Variants in STRAP observed in about 807,000 individuals in gnomAD.
The protein encoded by STRAP is serine/threonine kinase receptor associated protein, also known as serine-threonine kinase receptor-associated protein.
Under a neutral mutation model 47.0 loss-of-function variants are expected in STRAP, and 16 were observed. The observed-to-expected ratio is 0.34, with a 90% CI of 0.23 to 0.52. The LOEUF (loss-of-function observed/expected upper bound fraction) is 0.52. Among genes scored for constraint, STRAP ranks in the 20% least tolerant of loss-of-function variants. The probability of loss-of-function intolerance (pLI) is 0.96; values close to 1 mark genes in which losing one functional copy is unlikely to be tolerated. For missense variants in STRAP, 293 were observed against 420.0 expected, an observed-to-expected ratio of 0.70 and a Z score of 2.64; for synonymous variants, 130 against 142.7, an observed-to-expected ratio of 0.91 and a Z score of 0.63.
At chr12:15,883,394 C>T in intron 1 of STRAP, 147 bp from the exon 2 acceptor site, 1 of 892,614 alleles carries the variant, frequency 1.1e-6, no homozygotes, top group Non-Finnish European at 1.7e-6. Context: ...CTGCACATTC[C>T]TTAGTGCCTT....
rs915541526 is a variant in STRAP at position 15,896,090 on chromosome 12, T to G, written c.638+594T>G. 6.6e-6 allele frequency among the ~76,000 whole-genome samples: 1 copy of G among 151,584 alleles called. No individual in the cohort carries two copies. The highest frequency in any genetic ancestry group is 1.5e-5 in the Non-Finnish European group (1 of 67,874). On this transcript the variant is annotated intron_variant, in intron 6 of 9. Coordinates refer to ENST00000419869, the MANE Select transcript of STRAP (RefSeq NM_007178.4). This position sits in a 1 kb window ranked among gnomAD's most constrained non-coding sequence, Gnocchi z 4.1. ...AAATACAAAGAGAAGAAAAATTAGC[T>G]GGGTGTGGTGGTGAGTACCTGTAAT...
chr12:15,895,128 A>C (rs1948049295), intron 5 of STRAP, among the ~76,000 whole-genome samples: 1 of 152,222 alleles, frequency 6.6e-6, no homozygotes, highest in South Asian at 2.1e-4. Flanking sequence ...CAAATTGGGA[A>C]GTGTATGTAG....
chr12:15,899,435 A>G, intron 7 of STRAP, among the ~76,000 whole-genome samples: 1 of 151,844 alleles, frequency 6.6e-6, no homozygotes. Flanking sequence ...GTGTGACAGA[A>G]TAATTAGTGG....
At chr12:15,885,716 A>T (rs762512130) in intron 2 of STRAP, among the ~76,000 whole-genome samples, 1 of 152,172 alleles carries the variant, frequency 6.6e-6, no homozygotes, top group Admixed American at 6.5e-5. Flanking sequence ...TGGTGTATTA[A>T]GAGCATGAAG....
In STRAP at chr12:15,887,422, T is replaced by G. The variant is rs1947981000; in HGVS notation, c.249-2506T>G. Among the ~76,000 whole-genome samples the G allele has an allele frequency of 6.6e-6, 1 of 152,222 alleles. No homozygotes were observed. The highest frequency in any genetic ancestry group is 2.4e-5 in the African/African-American group (1 of 41,466). On this transcript the variant is annotated intron_variant, in intron 2 of 9. Coordinates refer to ENST00000419869, the MANE Select transcript of STRAP (RefSeq NM_007178.4). The surrounding 1 kb of genome is among the most constrained non-coding windows in gnomAD (Gnocchi z 5.5). ...AAGGGTATTGTTAATAGCGCTTTAC[T>G]GTCTTGATTTGAGCCCTGTGGCCAA... is the stretch of plus-strand genomic sequence containing the variant.
rs148366456 is a variant in STRAP, at chr12:15,899,905, A to G, written c.777A>G (p.Glu259=). The part of the protein sequence containing the change: ...KYDYNSGEEL[E]SYKGHFGPIH... ...TCTAATAGCCCTCTTCTTTTTCAGAATCCTACAAGGGACACTTTGGTCCTA... is the reference window on the plus strand; with the variant it reads ...TCTAATAGCCCTCTTCTTTTTCAGAGTCCTACAAGGGACACTTTGGTCCTA... Residue 259 remains glutamate, a splice_region_variant and synonymous_variant, in exon 8 of 10, where the codon GAA becomes GAG. Coordinates refer to ENST00000419869, the MANE Select transcript of STRAP (RefSeq NM_007178.4). 26 of 1,610,480 alleles carry G rather than the reference A, an allele frequency of 1.6e-5. No individual in the cohort carries two copies. The African/African-American group carries it at 2.5e-4, about 16-fold the overall frequency.
At chr12:15,888,972 A>G (rs1947993647) in intron 2 of STRAP, among the ~76,000 whole-genome samples, 1 of 152,100 alleles carries the variant, frequency 6.6e-6, no homozygotes, top group South Asian at 2.1e-4. Context: ...TTTATTGCCC[A>G]CTGTGTTCCT....
In STRAP at chr12:15,900,956, GTGGTGAGC is replaced by G. The variant is rs1948098375; in HGVS notation, c.939_946del (p.Glu314LysfsTer31). On this transcript the variant is annotated frameshift_variant, in exon 9 of 10. Coordinates refer to ENST00000419869, the MANE Select transcript of STRAP (RefSeq NM_007178.4). LOFTEE classifies it high-confidence loss of function. ...GCTTTTCTTTTTACAGAAGAAGATA[GTGGTGAGC>G]TGGCAAAGCCAAAGATTGGTTTTCC... 1 of 1,594,178 alleles carries G rather than the reference GTGGTGAGC, an allele frequency of 6.3e-7. No homozygotes were observed. The highest frequency in any genetic ancestry group is 8.5e-7 in the Non-Finnish European group (1 of 1,170,632).
chr12:15,898,071 A>C, intron 7 of STRAP, 53 bp downstream of exon 7: 1 of 1,467,482 alleles, frequency 6.8e-7, no homozygotes, highest in Non-Finnish European at 9.2e-7. Context: ...GTTAAGTCCC[A>C]GTAATTAACA....
In STRAP at chr12:15,894,741, T is replaced by C. The variant is rs1037016084; in HGVS notation, c.500+598T>C. On this transcript the variant is annotated intron_variant, in intron 5 of 9. Transcript: ENST00000419869. This position sits in a 1 kb window ranked among gnomAD's most constrained non-coding sequence, Gnocchi z 4.9. ...TTTCCTATTTTCAGGTTAGGAATTC[T>C]CAGTTGGTAAGTGTCTAATGCAAAT... is the stretch of plus-strand genomic sequence containing the variant. Among the ~76,000 whole-genome samples the C allele has an allele frequency of 2.0e-5, 3 of 152,222 alleles. No homozygotes were observed. The highest frequency in any genetic ancestry group is 4.4e-5 in the Non-Finnish European group (3 of 68,040).
chr12:15,902,034 TG>T (rs1222185660), intron 9 of STRAP, among the ~76,000 whole-genome samples: 2 of 152,034 alleles, frequency 1.3e-5, no homozygotes, highest in Non-Finnish European at 2.9e-5. Flanking sequence ...TGGAGTGCAG[TG>T]GCATGATCTC....
Position 15,896,376 on chromosome 12 carries a change from C to T in STRAP, c.638+880C>T, listed in dbSNP as rs956300605. ...ATTTTTTAAACAGATTTGAATTTTG[C>T]GACTTTAAATGTAGTAAATACTCTT... On this transcript the variant is annotated intron_variant, in intron 6 of 9. Transcript: ENST00000419869. This position sits in a 1 kb window ranked among gnomAD's most constrained non-coding sequence, Gnocchi z 4.1. 4.0e-5 allele frequency among the ~76,000 whole-genome samples: 6 copies of T among 151,856 alleles called. No individual in the cohort carries two copies. The highest frequency in any genetic ancestry group is 1.9e-4 in the East Asian group (1 of 5,184).
At chr12:15,883,314 C>T (rs1366580802) in intron 1 of STRAP, among the ~76,000 whole-genome samples, 1 of 152,176 alleles carries the variant, frequency 6.6e-6, no homozygotes, top group East Asian at 1.9e-4. Context: ...TGACGCAGAT[C>T]AGTATTCCCA....
chr12:15,893,673 A>T (rs1948036820), intron 4 of STRAP, among the ~76,000 whole-genome samples: 1 of 148,052 alleles, frequency 6.8e-6, no homozygotes, highest in Non-Finnish European at 1.5e-5. Flanking sequence ...TACTTATACA[A>T]TTATACAATA....
chr12:15,882,862 G>A lies in STRAP; in HGVS notation c.112+43G>A, dbSNP rs766951820. 5 of 1,574,514 alleles carry A rather than the reference G, an allele frequency of 3.2e-6. No homozygotes were observed. The East Asian group carries it at 9.1e-5, about 29-fold the overall frequency. On this transcript the variant is annotated intron_variant, in intron 1 of 9. Coordinates refer to ENST00000419869, the MANE Select transcript of STRAP (RefSeq NM_007178.4). ...CCTGGTCCTCGACGGCTGGGACTGGGCTGAAAGGGATCGGGACCCGCACGC... is the reference window on the plus strand; with the variant it reads ...CCTGGTCCTCGACGGCTGGGACTGGACTGAAAGGGATCGGGACCCGCACGC...
chr12:15,891,943 A>AG (rs1948019160), intron 4 of STRAP, among the ~76,000 whole-genome samples: 1 of 148,908 alleles, frequency 6.7e-6, no homozygotes, highest in East Asian at 1.9e-4. Flanking sequence ...CTTCTCAAAA[A>AG]GAAAAAAAAA....
At chr12:15,898,464 G>A (rs1948078155) in intron 7 of STRAP, among the ~76,000 whole-genome samples, 1 of 152,140 alleles carries the variant, frequency 6.6e-6, no homozygotes, top group African/African-American at 2.4e-5. Flanking sequence ...GTAAAGAACA[G>A]TGTGTGGGGG....
At chr12:15,889,348 TG>T (rs1167072991) in intron 2 of STRAP, among the ~76,000 whole-genome samples, 1 of 152,152 alleles carries the variant, frequency 6.6e-6, no homozygotes, top group Non-Finnish European at 1.5e-5. Flanking sequence ...GGAAGTTAAC[TG>T]TACTAGAGTT....
At chr12:15,883,991 C>A (rs2136106716) in intron 2 of STRAP, among the ~76,000 whole-genome samples, 1 of 152,288 alleles carries the variant, frequency 6.6e-6, no homozygotes, top group Non-Finnish European at 1.5e-5. Flanking sequence ...TGTGTGTACT[C>A]CTTAGTGATA....
Sources: allele counts gnomAD v4.1 joint callset (sites outside exome capture counted in the v4.1 genomes callset), GRCh38; gene constraint gnomAD v4.1.1; non-coding constraint Gnocchi (gnomAD v3.1); transcripts MANE v1.5; gene names NCBI Gene and HGNC (gene_info 2026-07-23, HGNC 2026-07-21).